The following CHODL variants were observed in gnomAD, a reference collection of about 807,000 sequenced individuals.
CHODL encodes chondrolectin, also known as transmembrane protein MT75.
Under a neutral mutation model 34.5 loss-of-function variants are expected in CHODL, and 29 were observed. The ratio of observed to expected loss-of-function variants is 0.84; its 90% CI spans 0.63 to 1.15. The LOEUF is 1.15. Ranked by LOEUF, CHODL falls within the 50% of genes most tolerant of loss-of-function variation. The pLI, the probability that CHODL is intolerant of heterozygous loss-of-function variation, is 0.00. For synonymous variants in CHODL, 125 were observed against 116.1 expected (o/e 1.08, Z -0.49); for missense variants, 332 against 332.5 (o/e 1.00, Z 0.01).
At chr21:18,107,003 C>T (rs1042937994) in intron 2 of CHODL, among the ~76,000 whole-genome samples, 3 of 152,104 alleles carry the variant, frequency 2.0e-5, no homozygotes, top group African/African-American at 7.2e-5. Flanking sequence ...CCCTAGAGAG[C>T]CATAACTATT....
At chr21:17,934,500 G>T (rs1171221229) in intron 1 of CHODL, among the ~76,000 whole-genome samples, 1 of 151,900 alleles carries the variant, frequency 6.6e-6, no homozygotes, top group African/African-American at 2.4e-5. Flanking sequence ...CTTATCCTCA[G>T]TCAGGGTTCT....
In CHODL at chr21:17,975,810, T is replaced by G. The variant is rs73890850; in HGVS notation, c.-144-52062T>G. Among the ~76,000 whole-genome samples the G allele has an allele frequency of 5.0e-3, 761 of 152,252 alleles. 8 individuals are homozygous for G. The highest frequency in any genetic ancestry group is 0.018 in the African/African-American group (736 of 41,568). ...TGCAACATCCCAGAATCTATGATAC[T>G]TAAATTGCATTATTGTCAGTCATTA... On this transcript the variant is annotated intron_variant, in intron 1 of 6. Transcript: ENST00000400127.
chr21:18,075,575 T>C (rs1486798478), intron 2 of CHODL, among the ~76,000 whole-genome samples: 1 of 152,180 alleles, frequency 6.6e-6, no homozygotes, highest in Non-Finnish European at 1.5e-5. Flanking sequence ...TTATTATTTG[T>C]ATCTCACAGG....
chr21:18,060,171 C>G (rs552030029), intron 2 of CHODL, among the ~76,000 whole-genome samples: 2 of 152,164 alleles, frequency 1.3e-5, no homozygotes, highest in African/African-American at 4.8e-5. Context: ...AAATGTCAAA[C>G]TAGCCAGGCA....
chr21:17,937,980 T>C (rs1377295668), intron 1 of CHODL, among the ~76,000 whole-genome samples: 1 of 152,252 alleles, frequency 6.6e-6, no homozygotes, highest in African/African-American at 2.4e-5. Flanking sequence ...TTTGTATAAC[T>C]TGTGTTACAA....
chr21:18,184,660 G>A (rs1421820323), intron 2 of CHODL, among the ~76,000 whole-genome samples: 3 of 152,160 alleles, frequency 2.0e-5, no homozygotes. Flanking sequence ...ACCATGGAGG[G>A]AGAAACTTCT....
intron 1 of CHODL, among the ~76,000 whole-genome samples, chr21:18,249,040 A>G (rs961001440): frequency 1.8e-5 from 2 of 113,970 alleles, no homozygotes; most frequent in African/African-American, 8.6e-5. Flanking sequence ...AATATATATA[A>G]TATTATATAT....
At chr21:18,055,112 C>T (rs1436722696) in intron 2 of CHODL, among the ~76,000 whole-genome samples, 1 of 152,016 alleles carries the variant, frequency 6.6e-6, no homozygotes, top group African/African-American at 2.4e-5. Context: ...TGGCATCTCT[C>T]CTCACTTTCC....
At chr21:18,047,597 C>T (rs539705639) in intron 2 of CHODL, among the ~76,000 whole-genome samples, 1 of 151,922 alleles carries the variant, frequency 6.6e-6, no homozygotes, top group Non-Finnish European at 1.5e-5. Flanking sequence ...ACACCATTGG[C>T]GCTCCCCACA....
chr21:18,174,161 A>ATATATATATATCTTGGT (rs2073276201), intron 2 of CHODL, among the ~76,000 whole-genome samples: 2 of 85,660 alleles, frequency 2.3e-5, no homozygotes, highest in Non-Finnish European at 3.1e-5. Context: ...ATATATATAT[A>ATATATATATATCTTGGT]AAATCAAGTC....
In CHODL at chr21:18,248,652, T is replaced by C. The variant is rs188921188; in HGVS notation, c.79+3350T>C. On this transcript the variant is annotated intron_variant, in intron 1 of 5. Coordinates refer to ENST00000299295, the MANE Select transcript of CHODL (RefSeq NM_024944.3). ...ATATAATACATATATGTATATATTA[T>C]ATACATATATATGTATAATACATAT... 3.8e-3 allele frequency among the ~76,000 whole-genome samples: 486 copies of C among 127,124 alleles called. 3 individuals carry two copies. The highest frequency in any genetic ancestry group is 6.5e-3 in the South Asian group (30 of 4,594). The allele number at this position is 127,124 out of a possible 152,430, so 83.4% of individuals were successfully genotyped here. A position where few individuals can be genotyped will look rare whatever the true frequency, so the allele number is the denominator to read the frequency against.
chr21:18,233,201 T>C (rs1450639481), intron 2 of CHODL, among the ~76,000 whole-genome samples: 2 of 151,956 alleles, frequency 1.3e-5, no homozygotes, highest in East Asian at 3.9e-4. Flanking sequence ...AGATTCCACA[T>C]AGAAGTGAGA....
intron 2 of CHODL, among the ~76,000 whole-genome samples, chr21:18,128,957 T>C (rs2072616385): frequency 6.6e-6 from 1 of 152,152 alleles, no homozygotes; most frequent in African/African-American, 2.4e-5. Flanking sequence ...ATCTAAATAA[T>C]TATACCCCAC....
intron 2 of CHODL, among the ~76,000 whole-genome samples, chr21:18,035,118 T>C (rs2064294346): frequency 6.6e-6 from 1 of 152,010 alleles, no homozygotes; most frequent in African/African-American, 2.4e-5. Flanking sequence ...GATGAGCCTT[T>C]ATATATGTCT....
chr21:18,137,364 T>C (rs552705341), intron 2 of CHODL, among the ~76,000 whole-genome samples: 1 of 152,332 alleles, frequency 6.6e-6, no homozygotes, highest in Admixed American at 6.5e-5. Flanking sequence ...TTAGCATTTT[T>C]AATGGAAAGA....
At chr21:18,028,201 T>A (rs1056086481) in intron 2 of CHODL, among the ~76,000 whole-genome samples, 1 of 145,246 alleles carries the variant, frequency 6.9e-6, no homozygotes, top group Non-Finnish European at 1.5e-5. Context: ...TTATTTCCTT[T>A]AGCTCTTCCT....
At chr21:18,042,357 A>G (rs1390058829) in intron 2 of CHODL, among the ~76,000 whole-genome samples, 2 of 151,898 alleles carry the variant, frequency 1.3e-5, no homozygotes, top group Non-Finnish European at 2.9e-5. Context: ...ATTGTATAAA[A>G]TATATCCTCA....
intron 1 of CHODL, among the ~76,000 whole-genome samples, chr21:18,252,714 G>A (rs2074272384): frequency 6.6e-6 from 1 of 152,070 alleles, no homozygotes; most frequent in African/African-American, 2.4e-5. Flanking sequence ...AAACTGCCTT[G>A]CTAGATCTGA....
At chr21:18,103,755 C>G (rs1273906044) in intron 2 of CHODL, among the ~76,000 whole-genome samples, 1 of 152,050 alleles carries the variant, frequency 6.6e-6, no homozygotes, top group Non-Finnish European at 1.5e-5. Context: ...TAGAAGCTGG[C>G]TTTTTTCAGA....
Sources: allele counts gnomAD v4.1 joint callset (sites outside exome capture counted in the v4.1 genomes callset), GRCh38; gene constraint gnomAD v4.1.1; transcripts MANE v1.5; gene names NCBI Gene and HGNC (gene_info 2026-07-23, HGNC 2026-07-21).